LRATD1: variants seen among roughly 807,000 people sequenced by gnomAD.
LRATD1 encodes protein LRATD1.
LRATD1 carries 8 observed loss-of-function variants against 21.3 expected under a neutral mutation model. That is an observed-to-expected ratio of 0.38 (90% CI 0.22 to 0.68). LRATD1 has a LOEUF of 0.68. LRATD1 is among the 30% of genes least tolerant of loss of function. LRATD1 has a pLI of 0.54. For missense variants in LRATD1, 380 were observed against 404.0 expected, an observed-to-expected ratio of 0.94 and a Z score of 0.51; for synonymous variants, 210 against 186.2, an observed-to-expected ratio of 1.13 and a Z score of -1.04.
chr2:14,646,593 A>C (rs1260058998), intron 4 of LRATD1: 1 of 152,206 alleles, frequency 6.6e-6, no homozygotes, highest in East Asian at 1.9e-4. Context: ...GCTTTTAATA[A>C]GAAGTTAAAT....
At chr2:14,646,446 T>C (rs1558257964) in exon 4 of LRATD1, 1 of 152,146 alleles carries the variant, frequency 6.6e-6, no homozygotes, top group Non-Finnish European at 1.5e-5. Flanking sequence ...GGCGTCTGTG[T>C]CGGTAACCAG....
chr2:14,635,837 C>G lies in LRATD1; in HGVS notation c.*979C>G. The G allele has an allele frequency of 2.7e-6, 1 of 369,458 alleles. No homozygotes were observed. Among genetic ancestry groups the G allele is most frequent in the South Asian group, 2.1e-5 (1 of 47,758 alleles). 22.9% of individuals were successfully genotyped at this position (369,458 alleles called of 1,614,324 possible). On this transcript the variant is annotated 3_prime_UTR_variant, in exon 2 of 2. Coordinates refer to ENST00000295092, the MANE Select transcript of LRATD1 (RefSeq NM_145175.4). Reference sequence around the variant, plus strand: ...GGAGGACATGGCACCATTCCAGAAACCAGCATTGTTACAACACCATAGCCA... The same window carrying G: ...GGAGGACATGGCACCATTCCAGAAAGCAGCATTGTTACAACACCATAGCCA...
At chr2:14,647,272 G>A (rs1295944346) in intron 4 of LRATD1, among the ~76,000 whole-genome samples, 1 of 152,056 alleles carries the variant, frequency 6.6e-6, no homozygotes, top group Non-Finnish European at 1.5e-5. Context: ...TGTTTTATTT[G>A]TCTTTATAGG....
At position 14,639,757 on chromosome 2, in the gene LRATD1, A is replaced by C. The variant is rs1558256387; in HGVS notation, c.*4899A>C. 1 of 167,148 alleles carries C rather than the reference A, an allele frequency of 6.0e-6. No homozygotes were observed. Among genetic ancestry groups the C allele is most frequent in the Non-Finnish European group, 1.5e-5 (1 of 68,130 alleles). 10.4% of individuals were successfully genotyped at this position (167,148 alleles called of 1,614,324 possible). ...TTCTTTTTGATGGCTGATAGTAGAA[A>C]GCACACAGTAGGTACTCCATAAATG... is the stretch of plus-strand genomic sequence containing the variant. On this transcript the variant is annotated 3_prime_UTR_variant, in exon 2 of 2. Transcript: ENST00000295092.
chr2:14,635,005 C>T lies in LRATD1; in HGVS notation c.*147C>T, dbSNP rs775448280. The T allele has an allele frequency of 1.3e-5, 14 of 1,102,716 alleles. No homozygotes were observed. The highest frequency in any genetic ancestry group is 1.7e-5 in the Non-Finnish European group (13 of 755,706). The allele number at this position is 1,102,716 out of a possible 1,614,324, so 68.3% of individuals were successfully genotyped here. A position where few individuals can be genotyped will look rare whatever the true frequency, so the allele number is the denominator to read the frequency against. Reference sequence around the variant, plus strand: ...CCGGTGGCCCGGGCCCGGGCTGCACCCCCGCATCCCCAAGCCAGCGGCAGG... The same window carrying T: ...CCGGTGGCCCGGGCCCGGGCTGCACTCCCGCATCCCCAAGCCAGCGGCAGG... On this transcript the variant is annotated 3_prime_UTR_variant, in exon 2 of 2. Coordinates refer to ENST00000295092, the MANE Select transcript of LRATD1 (RefSeq NM_145175.4).
chr2:14,633,365 A>T lies in LRATD1; in HGVS notation c.-37+428A>T, dbSNP rs1671599152. Among the ~76,000 whole-genome samples, 1 of 152,172 alleles carries T rather than the reference A, an allele frequency of 6.6e-6. No homozygotes were observed. The highest frequency in any genetic ancestry group is 2.4e-5 in the African/African-American group (1 of 41,450). Reference sequence around the variant, plus strand: ...TTGTCATTGTGGGTGTATGTGACATACACCAGTATACCAGGCTGCCAGTGT... The same window carrying T: ...TTGTCATTGTGGGTGTATGTGACATTCACCAGTATACCAGGCTGCCAGTGT... On this transcript the variant is annotated intron_variant, in intron 1 of 1. Transcript: ENST00000295092. This position sits in a 1 kb window ranked among gnomAD's most constrained non-coding sequence, Gnocchi z 7.5.
In LRATD1 at chr2:14,634,885, C is replaced by A; in HGVS notation, c.*27C>A. 2 of 1,595,824 alleles carry A rather than the reference C, an allele frequency of 1.3e-6. No individual in the cohort carries two copies. The highest frequency in any genetic ancestry group is 1.7e-5 in the Admixed American group (1 of 58,434). On this transcript the variant is annotated 3_prime_UTR_variant, in exon 2 of 2. Coordinates refer to ENST00000295092, the MANE Select transcript of LRATD1 (RefSeq NM_145175.4). ...CGCCTAGGGGCTGCCGGCCCCTCTG[C>A]CTCCCCCGCACCTCGCTCCCTTCCC...
Position 14,635,684 on chromosome 2 carries a change from C to A in LRATD1, c.*826C>A, listed in dbSNP as rs768614703. On this transcript the variant is annotated 3_prime_UTR_variant, in exon 2 of 2. Coordinates refer to ENST00000295092, the MANE Select transcript of LRATD1 (RefSeq NM_145175.4). ...CCCCGCCCCCGACAAGGAGCTCGCT[C>A]GTTCACCTGGTGTCTGGGAACTTGA... The A allele has an allele frequency of 1.5e-5, 7 of 460,270 alleles. No homozygotes were observed. The East Asian group carries it at 2.1e-4, about 14-fold the overall frequency. The allele number at this position is 460,270 out of a possible 1,614,324, so 28.5% of individuals were successfully genotyped here.
chr2:14,633,636 G>T lies in LRATD1; in HGVS notation c.-36-308G>T. ...TCCGTCTCCCACACTGCCACAGCCA[G>T]CACTCTCCTCCCCACCGGGACCCCG... On this transcript the variant is annotated intron_variant, in intron 1 of 1. Coordinates refer to ENST00000295092, the MANE Select transcript of LRATD1 (RefSeq NM_145175.4). This position sits in a 1 kb window ranked among gnomAD's most constrained non-coding sequence, Gnocchi z 7.5. The T allele has an allele frequency of 3.3e-6, 1 of 301,534 alleles. No homozygotes were observed. The highest frequency in any genetic ancestry group is 6.3e-6 in the Non-Finnish European group (1 of 159,934). The allele number at this position is 301,534 out of a possible 1,614,324, so 18.7% of individuals were successfully genotyped here. A position where few individuals can be genotyped will look rare whatever the true frequency, so the allele number is the denominator to read the frequency against.
downstream of LRATD1, among the ~76,000 whole-genome samples, chr2:14,651,152 G>A (rs759728889): frequency 6.6e-5 from 10 of 151,764 alleles, no homozygotes; most frequent in Middle Eastern, 3.2e-3. Flanking sequence ...TTGTGTTTAC[G>A]TACTATAAAT....
chr2:14,634,879 C>T lies in LRATD1; in HGVS notation c.*21C>T, dbSNP rs752964073. ...AGTAGCCGCCTAGGGGCTGCCGGCC[C>T]CTCTGCCTCCCCCGCACCTCGCTCC... On this transcript the variant is annotated 3_prime_UTR_variant, in exon 2 of 2. Coordinates refer to ENST00000295092, the MANE Select transcript of LRATD1 (RefSeq NM_145175.4). 6.3e-7 allele frequency: 1 copy of T among 1,598,588 alleles called. No homozygotes were observed.
At chr2:14,649,406 G>C in exon 5 of LRATD1, 1 of 455,960 alleles carries the variant, frequency 2.2e-6, no homozygotes, top group South Asian at 1.6e-5. Flanking sequence ...CCCTCGACCT[G>C]GGTGAATGTA....
chr2:14,646,990 G>A (rs528934840), intron 4 of LRATD1, among the ~76,000 whole-genome samples: 1 of 152,178 alleles, frequency 6.6e-6, no homozygotes, highest in African/African-American at 2.4e-5. Flanking sequence ...TATGGGAAAG[G>A]ACATTGGACT....
downstream of LRATD1, among the ~76,000 whole-genome samples, chr2:14,643,013 G>A (rs1292141803): frequency 3.3e-5 from 5 of 152,026 alleles, no homozygotes; most frequent in Non-Finnish European, 7.4e-5. Flanking sequence ...ATCCTGTTGA[G>A]AAAAAAAGTG....
At position 14,633,799 on chromosome 2, in the gene LRATD1, C is replaced by T. The variant is rs1558253806; in HGVS notation, c.-36-145C>T. ...CGCCCCTCGTACCCCTGGGGAGGCACGGAGGACTCGGCTGGAAAGGGTGAC... is the reference window on the plus strand; with the variant it reads ...CGCCCCTCGTACCCCTGGGGAGGCATGGAGGACTCGGCTGGAAAGGGTGAC... On this transcript the variant is annotated intron_variant, in intron 1 of 1. Transcript: ENST00000295092. The surrounding 1 kb of genome is among the most constrained non-coding windows in gnomAD (Gnocchi z 7.5). The T allele has an allele frequency of 1.3e-6, 1 of 793,270 alleles. No homozygotes were observed. The highest frequency in any genetic ancestry group is 2.7e-5 in the East Asian group (1 of 36,954). 49.1% of individuals were successfully genotyped at this position (793,270 alleles called of 1,614,324 possible). A position where few individuals can be genotyped will look rare whatever the true frequency, so the allele number is the denominator to read the frequency against.
chr2:14,647,607 C>G (rs1394765540), intron 4 of LRATD1, among the ~76,000 whole-genome samples: 2 of 151,962 alleles, frequency 1.3e-5, no homozygotes, highest in African/African-American at 4.8e-5. Context: ...GAATAGTACC[C>G]CTATAAAAAG....
rs1046110679 is a variant in LRATD1, at chr2:14,635,113, G to A, written c.*255G>A. ...GCCACAGCGGTGGTGACGGTGCTGG[G>A]AGACCCCGCGTGCGCTTTCCCCTTG... On this transcript the variant is annotated 3_prime_UTR_variant, in exon 2 of 2. Coordinates refer to ENST00000295092, the MANE Select transcript of LRATD1 (RefSeq NM_145175.4). 6 of 706,922 alleles carry A rather than the reference G, an allele frequency of 8.5e-6. No homozygotes were observed. The African/African-American group carries it at 1.1e-4, about 12-fold the overall frequency. The allele number at this position is 706,922 out of a possible 1,614,324, so 43.8% of individuals were successfully genotyped here. A position where few individuals can be genotyped will look rare whatever the true frequency, so the allele number is the denominator to read the frequency against.
At chr2:14,646,841 A>G (rs915168900) in intron 4 of LRATD1, among the ~76,000 whole-genome samples, 1 of 152,188 alleles carries the variant, frequency 6.6e-6, no homozygotes, top group Non-Finnish European at 1.5e-5. Flanking sequence ...GTTACCCATG[A>G]CCATTCTCAT....
chr2:14,646,639 A>G lies in LRATD1; in HGVS notation n.436+174A>G, dbSNP rs997924219. ...AAAAGTGTATTTGCAATTTTAATCA[A>G]AATTTTTCCAGCAACAACCTGCAAT... On this transcript the variant is annotated intron_variant and non_coding_transcript_variant, in intron 4 of 5. Coordinates refer to the LRATD1 transcript ENST00000464947. Among the ~76,000 whole-genome samples, 22 of 152,344 alleles carry G rather than the reference A, an allele frequency of 1.4e-4. No individual in the cohort carries two copies. The South Asian group carries it at 4.6e-3, about 32-fold the overall frequency.
Sources: gnomAD v4.1 joint callset for allele counts (sites outside exome capture counted in the v4.1 genomes callset) on GRCh38, gnomAD v4.1.1 for gene constraint, Gnocchi (gnomAD v3.1) non-coding constraint, MANE v1.5 for transcripts, NCBI Gene and HGNC (gene_info 2026-07-23, HGNC 2026-07-21) for gene names.